Variants in NYAP2 observed in about 807,000 individuals in gnomAD.
The protein encoded by NYAP2 is neuronal tyrosine-phosphorylated phosphoinositide-3-kinase adapter 2.
A neutral mutation model predicts 50.4 loss-of-function variants in NYAP2; 23 were observed. That is an observed-to-expected ratio of 0.46 (90% CI 0.33 to 0.65). The LOEUF is 0.65. NYAP2 is among the 30% of genes least tolerant of loss of function. The probability of loss-of-function intolerance (pLI) is 0.02; values close to 1 mark genes in which losing one functional copy is unlikely to be tolerated. For synonymous variants in NYAP2, 394 were observed against 365.2 expected, an observed-to-expected ratio of 1.08 and a Z score of -0.90; for missense variants, 885 against 861.0, an observed-to-expected ratio of 1.03 and a Z score of -0.35.
At chr2:225,641,999 A>C (rs977848736) in intron 6 of NYAP2, among the ~76,000 whole-genome samples, 2 of 152,164 alleles carry the variant, frequency 1.3e-5, no homozygotes, top group Admixed American at 6.5e-5. Context: ...TAAATGCTTA[A>C]TGAGTCCTTA....
intron 4 of NYAP2, among the ~76,000 whole-genome samples, chr2:225,540,566 G>T (rs1336079554): frequency 1.3e-5 from 2 of 152,136 alleles, no homozygotes; most frequent in East Asian, 1.9e-4. Flanking sequence ...TTCCCACTTG[G>T]TCCCTTCCAC....
In NYAP2 at chr2:225,582,668, G is replaced by A. The variant is rs371641080; in HGVS notation, c.1251G>A (p.Pro417=). The A allele has an allele frequency of 1.2e-4, 192 of 1,595,134 alleles. No homozygotes were observed. The highest frequency in any genetic ancestry group is 1.0e-3 in the East Asian group (45 of 44,298). Reference sequence around the variant, plus strand: ...CGCTCTCCTCGTCGCCCCCACCCCCGTCTACGCTGTACCGAACCCAGTCTC... The same window carrying A: ...CGCTCTCCTCGTCGCCCCCACCCCCATCTACGCTGTACCGAACCCAGTCTC... The change falls in exon 5 of 7, where the codon CCG becomes CCA. Residue 417 remains proline, a synonymous_variant. Coordinates refer to ENST00000636099, the Ensembl canonical transcript of NYAP2. The surrounding 1 kb of genome is among the most constrained non-coding windows in gnomAD (Gnocchi z 7.0).
At chr2:225,477,725 G>T (rs1432307888) in intron 3 of NYAP2, among the ~76,000 whole-genome samples, 2 of 152,014 alleles carry the variant, frequency 1.3e-5, no homozygotes, top group East Asian at 3.8e-4. Context: ...ATACACACAT[G>T]TACAGTTTTA....
chr2:225,587,196 G>A (rs1037115969), intron 5 of NYAP2, among the ~76,000 whole-genome samples: 1 of 152,008 alleles, frequency 6.6e-6, no homozygotes, highest in Non-Finnish European at 1.5e-5. Context: ...ATTTGGTGGG[G>A]GACACAGAGC....
chr2:225,521,282 T>C (rs1691052235), intron 4 of NYAP2, among the ~76,000 whole-genome samples: 1 of 152,000 alleles, frequency 6.6e-6, no homozygotes, highest in Non-Finnish European at 1.5e-5. Flanking sequence ...TTCTGCCTAA[T>C]TGCCCTGGCC....
At chr2:225,405,908 A>G (rs1197653559) in intron 2 of NYAP2, among the ~76,000 whole-genome samples, 1 of 152,002 alleles carries the variant, frequency 6.6e-6, no homozygotes, top group Non-Finnish European at 1.5e-5. Flanking sequence ...TTGCACTACA[A>G]TAAACATTGT....
downstream of NYAP2, among the ~76,000 whole-genome samples, chr2:225,656,831 C>G (rs1351369103): frequency 6.6e-6 from 1 of 152,176 alleles, no homozygotes; most frequent in Non-Finnish European, 1.5e-5. Context: ...CCTCAGTCAT[C>G]ATTTGTTGAC....
At chr2:225,532,041 A>C (rs996719524) in intron 4 of NYAP2, among the ~76,000 whole-genome samples, 1 of 152,230 alleles carries the variant, frequency 6.6e-6, no homozygotes, top group Admixed American at 6.5e-5. Context: ...AATGTTATCA[A>C]TTGAGATGCA....
intron 3 of NYAP2, among the ~76,000 whole-genome samples, chr2:225,443,557 G>T (rs892087199): frequency 1.2e-4 from 18 of 151,826 alleles, no homozygotes; most frequent in Admixed American, 2.0e-4. Flanking sequence ...TGATGGTACT[G>T]GTATGTATAT....
At chr2:225,406,312 G>A (rs1056583320) in intron 2 of NYAP2, among the ~76,000 whole-genome samples, 3 of 151,878 alleles carry the variant, frequency 2.0e-5, no homozygotes, top group African/African-American at 7.2e-5. Context: ...GAGGTGTGAT[G>A]TTTAGACATT....
At chr2:225,657,350 T>C (rs1693845416), downstream of NYAP2, among the ~76,000 whole-genome samples, 1 of 151,728 alleles carries the variant, frequency 6.6e-6, no homozygotes, top group Non-Finnish European at 1.5e-5. Context: ...GACCTCGTGA[T>C]CCACCTGCCT....
chr2:225,458,576 A>C (rs1226256443), intron 3 of NYAP2, among the ~76,000 whole-genome samples: 1 of 152,214 alleles, frequency 6.6e-6, no homozygotes, highest in Non-Finnish European at 1.5e-5. Flanking sequence ...CAGAACTCTG[A>C]GTTCTGATTC....
At chr2:225,632,630 A>G (rs1693341757) in intron 6 of NYAP2, among the ~76,000 whole-genome samples, 1 of 152,246 alleles carries the variant, frequency 6.6e-6, no homozygotes, top group Non-Finnish European at 1.5e-5. Flanking sequence ...CAGATTCCCC[A>G]CAGGGTGATT....
At chr2:225,492,684 G>C (rs1039261619) in intron 3 of NYAP2, among the ~76,000 whole-genome samples, 12 of 152,206 alleles carry the variant, frequency 7.9e-5, no homozygotes, top group Admixed American at 6.5e-5. Flanking sequence ...GCCTCAGGAA[G>C]TGTTTACTCA....
chr2:225,429,779 T>C (rs1373728386), intron 3 of NYAP2, among the ~76,000 whole-genome samples: 2 of 152,224 alleles, frequency 1.3e-5, no homozygotes, highest in Non-Finnish European at 2.9e-5. Flanking sequence ...GCAGTCATTT[T>C]CTTTTTAGTA....
chr2:225,682,009 T>C, the NYAP2 span, among the ~76,000 whole-genome samples: 1 of 152,184 alleles, frequency 6.6e-6, no homozygotes, highest in African/African-American at 2.4e-5. Context: ...ATTTCAATTA[T>C]TATTACTACA....
intron 5 of NYAP2, among the ~76,000 whole-genome samples, chr2:225,588,725 C>G (rs924333176): frequency 1.3e-5 from 2 of 152,156 alleles, no homozygotes; most frequent in African/African-American, 2.4e-5. Flanking sequence ...CTTGGTAACT[C>G]AGGGTCATTG....
At chr2:225,687,008 T>C in the NYAP2 span, among the ~76,000 whole-genome samples, 79 of 152,308 alleles carry the variant, frequency 5.2e-4, no homozygotes, top group Admixed American at 3.6e-3. Context: ...GAAGTAATTG[T>C]GCTTGTGTGT....
intron 5 of NYAP2, among the ~76,000 whole-genome samples, chr2:225,617,995 C>T (rs555431674): frequency 4.1e-4 from 63 of 152,272 alleles, no homozygotes; most frequent in African/African-American, 1.3e-3. Context: ...TGTGATCCAA[C>T]GGGGGCAACA....
Sources: allele counts gnomAD v4.1 joint callset (sites outside exome capture counted in the v4.1 genomes callset), GRCh38; gene constraint gnomAD v4.1.1; non-coding constraint Gnocchi (gnomAD v3.1); transcripts MANE v1.5; gene names NCBI Gene and HGNC (gene_info 2026-07-23, HGNC 2026-07-21).